Variants in AKR1B1 observed in about 807,000 individuals in gnomAD.
The protein encoded by AKR1B1 is aldo-keto reductase family 1 member B.
AKR1B1 carries 22 observed loss-of-function variants against 40.4 expected under a neutral mutation model. The observed-to-expected ratio is 0.54, with a 90% CI of 0.39 to 0.78. AKR1B1 has a LOEUF of 0.78. Among genes scored for constraint, AKR1B1 ranks in the 30% least tolerant of loss-of-function variants. The pLI is 0.00. For synonymous variants in AKR1B1, 157 were observed against 149.9 expected, an observed-to-expected ratio of 1.05 and a Z score of -0.35; for missense variants, 357 against 396.7, an observed-to-expected ratio of 0.90 and a Z score of 0.85.
rs751620614 is a variant in AKR1B1, at chr7:134,449,023, A to G, written c.526T>C (p.Leu176=). 1 of 1,614,130 alleles carries G rather than the reference A, an allele frequency of 6.2e-7. No homozygotes were observed. The highest frequency in any genetic ancestry group is 1.1e-5 in the South Asian group (1 of 91,078). Residue 176 remains leucine (L), a synonymous_variant, in exon 5 of 10, where the codon TTG becomes CTG. Coordinates refer to ENST00000285930, the MANE Select transcript of AKR1B1 (RefSeq NM_001628.4). ...QVEMILNKPG[L]KYKPAVNQIE... ...TGGTTAACTGCAGGCTTATACTTCA[A>G]GCCAGGTTTGTTTAAGATCATCTCC...
chr7:134,445,309 A>G lies in AKR1B1; in HGVS notation c.837T>C (p.Phe279=), dbSNP rs1806060726. ...RIAENFKVFD[F]ELSSQDMTTL... ...TGGTCATATCCTGGCTGCTCAGTTC[A>G]AAGTCAAAGACCTAAAAAACAAACA... Residue 279 remains phenylalanine (F), a synonymous_variant, in exon 9 of 10, where the codon TTT becomes TTC. Transcript: ENST00000285930. 1 of 1,612,708 alleles carries G rather than the reference A, an allele frequency of 6.2e-7. No individual in the cohort carries two copies. The highest frequency in any genetic ancestry group is 1.7e-5 in the Admixed American group (1 of 59,860).
intron 3 of AKR1B1, 57 bp downstream of exon 3, chr7:134,450,729 A>C: frequency 7.4e-7 from 1 of 1,358,258 alleles, no homozygotes; most frequent in Non-Finnish European, 1.1e-6. Flanking sequence ...AGCTCAAAAC[A>C]CACCACAGGT....
At chr7:134,443,608 AG>A in intron 9 of AKR1B1, among the ~76,000 whole-genome samples, 1 of 150,616 alleles carries the variant, frequency 6.6e-6, no homozygotes, top group Admixed American at 6.8e-5. Flanking sequence ...CAGGGAGCAC[AG>A]GTGCAGACGT....
chr7:134,446,692 A>C (rs1191110689), intron 8 of AKR1B1, among the ~76,000 whole-genome samples: 1 of 152,114 alleles, frequency 6.6e-6, no homozygotes, highest in Non-Finnish European at 1.5e-5. Context: ...GCTTCGCCAG[A>C]GTCCTGACAC....
chr7:134,454,143 CAT>C (rs1806390711), intron 1 of AKR1B1, among the ~76,000 whole-genome samples: 1 of 152,232 alleles, frequency 6.6e-6, no homozygotes, highest in Admixed American at 6.5e-5. Flanking sequence ...ACAAATCCTA[CAT>C]GTTTCTAACC....
chr7:134,445,592 T>G (rs1806068349), intron 8 of AKR1B1, among the ~76,000 whole-genome samples: 1 of 152,256 alleles, frequency 6.6e-6, no homozygotes, highest in African/African-American at 2.4e-5. Context: ...GCACTTCTAT[T>G]GTGATAAGTT....
chr7:134,455,742 C>G (rs1356366169), intron 1 of AKR1B1, among the ~76,000 whole-genome samples: 1 of 148,446 alleles, frequency 6.7e-6, no homozygotes, highest in Non-Finnish European at 1.5e-5. Context: ...CACCACCATG[C>G]CGGGCTAATT....
chr7:134,448,312 A>G, intron 6 of AKR1B1, 75 bp downstream of exon 6: 3 of 1,343,150 alleles, frequency 2.2e-6, no homozygotes. Context: ...ATCTTCCTTG[A>G]GGCTGAATTG....
chr7:134,448,355 G>T, intron 6 of AKR1B1, 32 bp downstream of exon 6: 1 of 1,529,624 alleles, frequency 6.5e-7, no homozygotes, highest in Non-Finnish European at 9.1e-7. Flanking sequence ...TTCACCAAGT[G>T]ACACAGGAGC....
chr7:134,458,546 C>G (rs971225910), intron 1 of AKR1B1, among the ~76,000 whole-genome samples: 1 of 152,188 alleles, frequency 6.6e-6, no homozygotes, highest in Non-Finnish European at 1.5e-5. Context: ...ACAGGTGCCT[C>G]GAGGGAAAGG....
chr7:134,458,848 G>T, intron 1 of AKR1B1, 149 bp downstream of exon 1: 1 of 897,346 alleles, frequency 1.1e-6, no homozygotes, highest in Non-Finnish European at 1.7e-6. Context: ...ACCCCAGCCC[G>T]CTGGGGACCC....
At position 134,449,322 on chromosome 7, in the gene AKR1B1, C is replaced by T. The variant is rs1312653481; in HGVS notation, c.430-203G>A. 17 of 702,828 alleles carry T rather than the reference C, an allele frequency of 2.4e-5. No individual in the cohort carries two copies. The Middle Eastern group carries it at 1.2e-3, about 48-fold the overall frequency. 43.5% of individuals were successfully genotyped at this position (702,828 alleles called of 1,614,324 possible). A position where few individuals can be genotyped will look rare whatever the true frequency, so the allele number is the denominator to read the frequency against. On this transcript the variant is annotated intron_variant, in intron 4 of 9. Coordinates refer to ENST00000285930, the MANE Select transcript of AKR1B1 (RefSeq NM_001628.4). Reference sequence around the variant, plus strand: ...AGCAAACAGGCCGGGCGCGGTGGCTCACGCCTGTAATCCCAGCACTTTGGG... The same window carrying T: ...AGCAAACAGGCCGGGCGCGGTGGCTTACGCCTGTAATCCCAGCACTTTGGG...
intron 1 of AKR1B1, among the ~76,000 whole-genome samples, chr7:134,456,056 C>T (rs902509616): frequency 1.3e-5 from 2 of 152,162 alleles, no homozygotes; most frequent in East Asian, 3.9e-4. Flanking sequence ...AACACAGCCG[C>T]TACGGCATGG....
chr7:134,451,460 T>C (rs1393478084), intron 2 of AKR1B1, 126 bp downstream of exon 2: 4 of 1,232,630 alleles, frequency 3.2e-6, no homozygotes, highest in African/African-American at 3.0e-5. Context: ...GGGTGATACG[T>C]TTCCCCGGGA....
In AKR1B1 at chr7:134,442,699, C is replaced by A; in HGVS notation, c.*29G>T. ...TGAGGCAAGAAACACAGGTATAGGT[C>A]ACTTGGGGACGAGCAGGCAACCACA... On this transcript the variant is annotated 3_prime_UTR_variant, in exon 10 of 10. Transcript: ENST00000285930. The A allele has an allele frequency of 6.2e-7, 1 of 1,611,920 alleles. No homozygotes were observed. Among genetic ancestry groups the A allele is most frequent in the South Asian group, 1.1e-5 (1 of 90,964 alleles).
rs1391503974 is a variant in AKR1B1 at position 134,451,514 on chromosome 7, C to T, written c.234+72G>A. 3.8e-6 allele frequency: 6 copies of T among 1,573,742 alleles called. No homozygotes were observed. The East Asian group carries it at 1.1e-4, about 29-fold the overall frequency. ...AAAGTGTAGCTGTATTGAGTGTGGACTTGGCTTTGGGCTGATGCACCAACA... is the reference window on the plus strand; with the variant it reads ...AAAGTGTAGCTGTATTGAGTGTGGATTTGGCTTTGGGCTGATGCACCAACA... On this transcript the variant is annotated intron_variant, in intron 2 of 9. Transcript: ENST00000285930.
chr7:134,453,732 C>T (rs766417826), intron 1 of AKR1B1, among the ~76,000 whole-genome samples: 19 of 152,082 alleles, frequency 1.2e-4, no homozygotes, highest in Admixed American at 2.0e-4. Context: ...ATGTGCCATT[C>T]GCTGGAGACA....
intron 4 of AKR1B1, chr7:134,449,354 A>G (rs541572607): frequency 1.1e-4 from 65 of 599,154 alleles, no homozygotes; most frequent in East Asian, 3.8e-4. Context: ...TGGGAGGCTG[A>G]GGCGGGCGGA....
At chr7:134,455,483 A>G (rs577160193) in intron 1 of AKR1B1, among the ~76,000 whole-genome samples, 1 of 152,344 alleles carries the variant, frequency 6.6e-6, no homozygotes, top group African/African-American at 2.4e-5. Context: ...TTTCAACTAG[A>G]TTAAAAACAC....
Sources: allele counts gnomAD v4.1 joint callset (sites outside exome capture counted in the v4.1 genomes callset), GRCh38; gene constraint gnomAD v4.1.1; transcripts MANE v1.5; gene names NCBI Gene and HGNC (gene_info 2026-07-23, HGNC 2026-07-21).